Variants in NDST4 observed in about 807,000 individuals in gnomAD.
NDST4 encodes the protein N-heparan sulfate sulfotransferase 4.
Under a neutral mutation model 100.8 loss-of-function variants are expected in NDST4, and 63 were observed. That is an observed-to-expected ratio of 0.62 (90% confidence interval 0.51 to 0.77). The LOEUF is 0.77. NDST4 is among the 30% of genes least tolerant of loss of function. NDST4 has a pLI of 0.00. For missense variants in NDST4, 943 were observed against 1,018.4 expected, an observed-to-expected ratio of 0.93 and a Z score of 1.01; for synonymous variants, 377 against 361.8, an observed-to-expected ratio of 1.04 and a Z score of -0.48.
intron 2 of NDST4, among the ~76,000 whole-genome samples, chr4:115,040,980 C>A (rs370302163): frequency 6.6e-6 from 1 of 151,954 alleles, no homozygotes; most frequent in East Asian, 1.9e-4. Flanking sequence ...AAAAGAACTA[C>A]GTTTCTTTCA....
At chr4:115,032,416 A>G (rs2126270258) in intron 2 of NDST4, among the ~76,000 whole-genome samples, 1 of 152,216 alleles carries the variant, frequency 6.6e-6, no homozygotes, top group Non-Finnish European at 1.5e-5. Context: ...GCTTAATTAC[A>G]TAAAATTATA....
chr4:114,845,321 G>C (rs1292375560), intron 10 of NDST4, among the ~76,000 whole-genome samples: 2 of 152,160 alleles, frequency 1.3e-5, no homozygotes, highest in African/African-American at 2.4e-5. Context: ...AATAGAGTGA[G>C]ACCTGGTCTC....
intron 2 of NDST4, among the ~76,000 whole-genome samples, chr4:115,059,705 G>T (rs1728778920): frequency 6.6e-6 from 1 of 151,916 alleles, no homozygotes; most frequent in Non-Finnish European, 1.5e-5. Flanking sequence ...TAAAAAGCGG[G>T]TACATTCACA....
intron 1 of NDST4, among the ~76,000 whole-genome samples, chr4:115,083,795 A>G (rs1729350118): frequency 6.6e-6 from 1 of 152,070 alleles, no homozygotes; most frequent in Admixed American, 6.6e-5. Flanking sequence ...CCCTGTGAAG[A>G]GGTACCTTCT....
At chr4:115,085,988 T>C (rs1729402922) in intron 1 of NDST4, among the ~76,000 whole-genome samples, 1 of 152,204 alleles carries the variant, frequency 6.6e-6, no homozygotes, top group Non-Finnish European at 1.5e-5. Flanking sequence ...TGGATACCAA[T>C]GTAAGATTAT....
intron 2 of NDST4, among the ~76,000 whole-genome samples, chr4:114,999,609 T>A (rs572797602): frequency 5.3e-5 from 8 of 152,228 alleles, no homozygotes; most frequent in Middle Eastern, 3.4e-3. Flanking sequence ...GCACAATAAC[T>A]GTAAATAAAT....
chr4:114,832,632 C>G (rs901576898), intron 12 of NDST4, among the ~76,000 whole-genome samples: 1 of 152,132 alleles, frequency 6.6e-6, no homozygotes, highest in African/African-American at 2.4e-5. Context: ...GTGATGCTGT[C>G]CCACCCCACC....
At chr4:114,912,902 A>G (rs1725092515) in intron 6 of NDST4, among the ~76,000 whole-genome samples, 1 of 152,138 alleles carries the variant, frequency 6.6e-6, no homozygotes, top group Non-Finnish European at 1.5e-5. Flanking sequence ...CAGACCATTT[A>G]AAAGTGATAT....
chr4:115,094,200 C>T (rs1283422197), intron 1 of NDST4, among the ~76,000 whole-genome samples: 1 of 151,936 alleles, frequency 6.6e-6, no homozygotes, highest in Non-Finnish European at 1.5e-5. Flanking sequence ...TAAAATATTG[C>T]TTTATTAAAA....
chr4:115,084,111 C>T (rs1729362113), intron 1 of NDST4, among the ~76,000 whole-genome samples: 1 of 152,102 alleles, frequency 6.6e-6, no homozygotes. Context: ...GACCAAAATG[C>T]TGATAACAAT....
At chr4:114,991,463 T>G (rs960454200) in intron 2 of NDST4, among the ~76,000 whole-genome samples, 1 of 151,974 alleles carries the variant, frequency 6.6e-6, no homozygotes, top group Non-Finnish European at 1.5e-5. Flanking sequence ...CAAAGGCAAA[T>G]AAATATTTTG....
chr4:114,858,341 C>G (rs1723843888), intron 7 of NDST4, among the ~76,000 whole-genome samples: 1 of 152,158 alleles, frequency 6.6e-6, no homozygotes, highest in African/African-American at 2.4e-5. Context: ...TATGAAAGGG[C>G]TCACAGAGTA....
In NDST4 at chr4:115,076,867, A is replaced by G; in HGVS notation, c.170T>C (p.Ile57Thr). 1.2e-6 allele frequency: 2 copies of G among 1,613,834 alleles called. No individual in the cohort carries two copies. The highest frequency in any genetic ancestry group is 8.5e-7 in the Non-Finnish European group (1 of 1,179,870). Residue 57 changes from isoleucine (I) to threonine (T), a missense_variant, in exon 2 of 14, where the codon ATT becomes ACT. Coordinates refer to ENST00000264363, the MANE Select transcript of NDST4 (RefSeq NM_022569.3). ...TAEAECTDIK[I>T]LPYRSMELKT... Reference sequence around the variant, plus strand: ...CAGCTCCATTGACCTATATGGTAGAATTTTGATGTCAGTGCATTCTGCTTC... The same window carrying G: ...CAGCTCCATTGACCTATATGGTAGAGTTTTGATGTCAGTGCATTCTGCTTC...
In NDST4 at chr4:114,926,553, TA is replaced by T. The variant is rs377609873; in HGVS notation, c.1536+8652del. Among the ~76,000 whole-genome samples the T allele has an allele frequency of 6.9e-3, 1,017 of 147,848 alleles. 4 individuals are homozygous for T. Among genetic ancestry groups the T allele is most frequent in the East Asian group, 0.036 (183 of 5,094 alleles). On this transcript the variant is annotated intron_variant, in intron 6 of 13. Transcript: ENST00000264363. ...TCTGAATGCCAGTGAGAGTCAAAATTAAAAAAAAAACTGTTGAAAATGCAGA... is the reference window on the plus strand; with the variant it reads ...TCTGAATGCCAGTGAGAGTCAAAATTAAAAAAAAACTGTTGAAAATGCAGA...
intron 7 of NDST4, among the ~76,000 whole-genome samples, chr4:114,863,980 A>G (rs1723972095): frequency 6.6e-6 from 1 of 152,204 alleles, no homozygotes; most frequent in African/African-American, 2.4e-5. Context: ...AAAGAATATC[A>G]TACCATTTAC....
chr4:114,902,557 A>C (rs748323622), intron 6 of NDST4, among the ~76,000 whole-genome samples: 3 of 151,616 alleles, frequency 2.0e-5, no homozygotes, highest in Admixed American at 6.6e-5. Flanking sequence ...TTTGGGGGAG[A>C]TTTATCCTCC....
chr4:114,976,108 C>T (rs766009125), intron 3 of NDST4, among the ~76,000 whole-genome samples: 3 of 151,996 alleles, frequency 2.0e-5, no homozygotes, highest in Admixed American at 6.6e-5. Context: ...ATTGTTATTT[C>T]AATATTCTAA....
intron 1 of NDST4, among the ~76,000 whole-genome samples, chr4:115,086,876 T>G (rs1399715520): frequency 6.6e-6 from 1 of 152,100 alleles, no homozygotes; most frequent in African/African-American, 2.4e-5. Context: ...ATAAAGAAAC[T>G]TTTATGTGGA....
intron 12 of NDST4, 32 bp downstream of exon 12, chr4:114,833,574 G>A (rs1723246661): frequency 1.5e-6 from 2 of 1,373,344 alleles, no homozygotes; most frequent in Non-Finnish European, 2.1e-6. Context: ...GGCAAATAAT[G>A]GAAATGAAAT....
Sources: allele counts gnomAD v4.1 joint callset (sites outside exome capture counted in the v4.1 genomes callset), GRCh38; gene constraint gnomAD v4.1.1; transcripts MANE v1.5; gene names NCBI Gene and HGNC (gene_info 2026-07-23, HGNC 2026-07-21).